Variants in NTNG1 observed in about 807,000 individuals in gnomAD.
NTNG1 encodes netrin G1.
A neutral mutation model predicts 54.0 loss-of-function variants in NTNG1; 16 were observed. The ratio of observed to expected loss-of-function variants is 0.30; its 90% CI spans 0.20 to 0.45. NTNG1 has a LOEUF of 0.45. Ranked by LOEUF, NTNG1 falls within the 20% of genes least tolerant of loss-of-function variation. The pLI is 1.00. For missense variants in NTNG1, 530 were observed against 678.7 expected (o/e 0.78, Z 2.43); for synonymous variants, 255 against 263.1 (o/e 0.97, Z 0.30).
intron 1 of NTNG1, among the ~76,000 whole-genome samples, chr1:107,144,788 T>G (rs1023546783): frequency 2.6e-5 from 4 of 152,058 alleles, no homozygotes; most frequent in African/African-American, 9.7e-5. Context: ...TTCTGCAAAT[T>G]TATACACCGG....
intron 3 of NTNG1, among the ~76,000 whole-genome samples, chr1:107,370,226 G>A (rs1374653622): frequency 1.4e-5 from 2 of 145,202 alleles, no homozygotes; most frequent in Non-Finnish European, 3.0e-5. Context: ...TTTAGAATGA[G>A]CTTGTCAATT....
intron 2 of NTNG1, among the ~76,000 whole-genome samples, chr1:107,188,861 GA>G: frequency 6.6e-6 from 1 of 152,194 alleles, no homozygotes; most frequent in East Asian, 1.9e-4. Flanking sequence ...TAGGGATCAA[GA>G]GTAAGTTATT....
intron 2 of NTNG1, among the ~76,000 whole-genome samples, chr1:107,166,211 A>C (rs181925752): frequency 3.3e-4 from 50 of 152,334 alleles, no homozygotes; most frequent in Non-Finnish European, 6.2e-4. Flanking sequence ...AGACTACTCT[A>C]AGCTGGAAGA....
At chr1:107,281,917 A>G (rs1664887715) in intron 2 of NTNG1, among the ~76,000 whole-genome samples, 1 of 152,176 alleles carries the variant, frequency 6.6e-6, no homozygotes, top group Non-Finnish European at 1.5e-5. Flanking sequence ...AATCACAGAC[A>G]GGTAACAGTT....
rs565696203 is a variant in NTNG1 at position 107,148,578 on chromosome 1, T to C, written c.-16T>C. On this transcript the variant is annotated 5_prime_UTR_variant, in exon 2 of 8. Coordinates refer to ENST00000370068, the MANE Select transcript of NTNG1 (RefSeq NM_001113226.3). ...GCTCTGCTTTAGTTTCCAAGAAGAT[T>C]ACAAAGAATTTAGAGATGTATTTGT... is the stretch of plus-strand genomic sequence containing the variant. 78 of 1,610,882 alleles carry C rather than the reference T, an allele frequency of 4.8e-5. No individual in the cohort carries two copies. The highest frequency in any genetic ancestry group is 6.1e-5 in the Non-Finnish European group (72 of 1,177,846).
chr1:107,275,379 A>AAAAT (rs1433024806), intron 2 of NTNG1, among the ~76,000 whole-genome samples: 1 of 152,124 alleles, frequency 6.6e-6, no homozygotes, highest in Non-Finnish European at 1.5e-5. Flanking sequence ...CGTCTCAAAA[A>AAAAT]AAATAAATAA....
intron 4 of NTNG1, among the ~76,000 whole-genome samples, chr1:107,400,198 A>G (rs1482238619): frequency 6.6e-6 from 1 of 152,098 alleles, no homozygotes; most frequent in African/African-American, 2.4e-5. Context: ...CTATATTGAA[A>G]TTCTGCTCAT....
chr1:107,315,313 C>T (rs1033705058), intron 2 of NTNG1, among the ~76,000 whole-genome samples: 8 of 152,314 alleles, frequency 5.3e-5, no homozygotes, highest in African/African-American at 1.9e-4. Flanking sequence ...TAGTAAACCT[C>T]CTACGGGTTG....
intron 3 of NTNG1, among the ~76,000 whole-genome samples, chr1:107,357,369 A>G (rs181555605): frequency 2.3e-4 from 34 of 147,282 alleles, no homozygotes; most frequent in African/African-American, 9.2e-4. Context: ...AAGAAAAGCT[A>G]AACATGATTC....
At chr1:107,173,431 T>C (rs1656402451) in intron 2 of NTNG1, among the ~76,000 whole-genome samples, 1 of 152,188 alleles carries the variant, frequency 6.6e-6, no homozygotes, top group African/African-American at 2.4e-5. Flanking sequence ...TATTGTTTGC[T>C]TGAGGCAGGG....
intron 3 of NTNG1, among the ~76,000 whole-genome samples, chr1:107,367,284 T>A (rs7519188): frequency 0.013 from 1,957 of 152,238 alleles, 43 homozygotes; most frequent in African/African-American, 0.04. Flanking sequence ...GATTTTTTTT[T>A]AAATACAAGA....
chr1:107,408,709 C>T (rs1036770532), intron 5 of NTNG1: 2 of 151,704 alleles, frequency 1.3e-5, no homozygotes, highest in Non-Finnish European at 2.9e-5. Flanking sequence ...AATAAATTAC[C>T]GAGAAAGCAA....
At chr1:107,162,723 A>G (rs1434647891) in intron 2 of NTNG1, among the ~76,000 whole-genome samples, 1 of 152,198 alleles carries the variant, frequency 6.6e-6, no homozygotes, top group Admixed American at 6.5e-5. Context: ...TCTGACCTAT[A>G]CAATTTGTAT....
intron 2 of NTNG1, among the ~76,000 whole-genome samples, chr1:107,283,482 C>G (rs1664999149): frequency 6.6e-6 from 1 of 152,074 alleles, no homozygotes; most frequent in South Asian, 2.1e-4. Flanking sequence ...TGCAAATAAC[C>G]TTGTTAGTTT....
chr1:107,156,682 T>G (rs2101040731), intron 2 of NTNG1, among the ~76,000 whole-genome samples: 1 of 152,324 alleles, frequency 6.6e-6, no homozygotes, highest in East Asian at 1.9e-4. Context: ...TGTATTGTAT[T>G]TAATTGAGGC....
intron 3 of NTNG1, among the ~76,000 whole-genome samples, chr1:107,393,613 C>A (rs1414606767): frequency 6.6e-6 from 1 of 151,858 alleles, no homozygotes; most frequent in Non-Finnish European, 1.5e-5. Flanking sequence ...TTGTAATAGA[C>A]CCCCGAGAAA....
At chr1:107,413,463 TA>T (rs575779709) in intron 5 of NTNG1, among the ~76,000 whole-genome samples, 27 of 151,936 alleles carry the variant, frequency 1.8e-4, no homozygotes, top group African/African-American at 5.1e-4. Flanking sequence ...TTTTTTCAAT[TA>T]AAAAAAATGC....
At chr1:107,414,163 G>A (rs764279080) in intron 5 of NTNG1, among the ~76,000 whole-genome samples, 3 of 152,160 alleles carry the variant, frequency 2.0e-5, no homozygotes, top group Non-Finnish European at 2.9e-5. Context: ...GCACTAGACA[G>A]TCAGGTTTAG....
intron 5 of NTNG1, among the ~76,000 whole-genome samples, chr1:107,410,791 T>C (rs1673747056): frequency 6.6e-6 from 1 of 152,178 alleles, no homozygotes; most frequent in South Asian, 2.1e-4. Context: ...CCTTCTAATA[T>C]ATATCATATG....
Sources: gnomAD v4.1 joint callset for allele counts (sites outside exome capture counted in the v4.1 genomes callset) on GRCh38, gnomAD v4.1.1 for gene constraint, MANE v1.5 for transcripts, NCBI Gene and HGNC (gene_info 2026-07-23, HGNC 2026-07-21) for gene names.